SEC24D: variants seen among roughly 807,000 people sequenced by gnomAD.
SEC24D encodes protein transport protein Sec24D.
A neutral mutation model predicts 116.9 loss-of-function variants in SEC24D; 69 were observed. The ratio of observed to expected loss-of-function variants is 0.59; its 90% CI spans 0.49 to 0.72. The LOEUF (loss-of-function observed/expected upper bound fraction) is 0.72. Ranked by LOEUF, SEC24D falls within the 30% of genes least tolerant of loss-of-function variation. The probability of loss-of-function intolerance (pLI) is 0.00; values close to 1 mark genes in which losing one functional copy is unlikely to be tolerated. For missense variants in SEC24D, 1,131 were observed against 1,264.1 expected (o/e 0.89, Z 1.60); for synonymous variants, 405 against 442.8 (o/e 0.91, Z 1.07).
intron 8 of SEC24D, among the ~76,000 whole-genome samples, chr4:118,792,896 AAAAAC>A (rs1359980891): frequency 1.1e-4 from 16 of 152,324 alleles, no homozygotes; most frequent in South Asian, 2.1e-4. Context: ...ATAAATACTA[AAAAAC>A]AAAACAAAAC....
chr4:118,730,918 A>C (rs1725650448), intron 21 of SEC24D: 1 of 250,258 alleles, frequency 4.0e-6, no homozygotes, highest in Non-Finnish European at 7.9e-6. Flanking sequence ...TTCAGTTCCC[A>C]TCTCTGCCAC....
intron 8 of SEC24D, among the ~76,000 whole-genome samples, chr4:118,789,489 T>C (rs1037207284): frequency 1.1e-4 from 17 of 152,208 alleles, no homozygotes; most frequent in Non-Finnish European, 1.9e-4. Context: ...CCATTCCTTT[T>C]TCCCCCACAA....
At chr4:118,763,799 A>G (rs1463519868) in intron 10 of SEC24D, among the ~76,000 whole-genome samples, 1 of 152,224 alleles carries the variant, frequency 6.6e-6, no homozygotes, top group Non-Finnish European at 1.5e-5. Context: ...TGTCATAAAG[A>G]TGACGAGGAT....
intron 6 of SEC24D, among the ~76,000 whole-genome samples, chr4:118,810,520 C>G (rs1163049626): frequency 6.6e-6 from 1 of 152,196 alleles, no homozygotes; most frequent in Non-Finnish European, 1.5e-5. Context: ...CTAGGAATAT[C>G]TGCATTCTCA....
intron 9 of SEC24D, among the ~76,000 whole-genome samples, chr4:118,766,986 A>G (rs1268911172): frequency 1.3e-5 from 2 of 151,982 alleles, no homozygotes; most frequent in Non-Finnish European, 2.9e-5. Context: ...TCTGGTCTCA[A>G]TGGGATATCC....
At chr4:118,751,196 G>GTTTTTTTTTTTTTTTTTTTTTTTTA (rs1726813035) in intron 13 of SEC24D, among the ~76,000 whole-genome samples, 1 of 20,734 alleles carries the variant, frequency 4.8e-5, no homozygotes. Flanking sequence ...TTTTTTTTTT[G>GTTTTTTTTTTTTTTTTTTTTTTTTA]AGATGTAGTT....
rs1428984820 is a variant in SEC24D, at chr4:118,744,069, A to G, written c.1914T>C (p.Pro638=). The G allele has an allele frequency of 5.6e-6, 9 of 1,613,708 alleles. No individual in the cohort carries two copies. The highest frequency in any genetic ancestry group is 6.8e-6 in the Non-Finnish European group (8 of 1,179,706). ...HGCSVTLFLF[P]SQYVDVASLG... ...GCGAGGCCACGTCCACATACTGACTAGGAAAGAGGAAGAGTGTCACAGAGC... is the reference window on the plus strand; with the variant it reads ...GCGAGGCCACGTCCACATACTGACTGGGAAAGAGGAAGAGTGTCACAGAGC... Residue 638 remains proline, a synonymous_variant, in exon 15 of 23, where the codon CCT becomes CCC. Coordinates refer to ENST00000280551, the MANE Select transcript of SEC24D (RefSeq NM_014822.4).
At chr4:118,738,056 A>AT (rs1365910981) in intron 19 of SEC24D, 43 of 485,256 alleles carry the variant, frequency 8.9e-5, no homozygotes, top group Middle Eastern at 5.6e-4. Context: ...ATGCACATCC[A>AT]TTTTTTTTGT....
chr4:118,734,900 G>A (rs1725879232), intron 19 of SEC24D, among the ~76,000 whole-genome samples: 1 of 152,202 alleles, frequency 6.6e-6, no homozygotes, highest in African/African-American at 2.4e-5. Flanking sequence ...ATAAAAAGAT[G>A]CAGGAACCAG....
intron 22 of SEC24D, 73 bp downstream of exon 22, chr4:118,728,487 TA>T (rs1297201461): frequency 2.5e-6 from 2 of 812,430 alleles, no homozygotes; most frequent in African/African-American, 3.5e-5. Flanking sequence ...CATAAAAATA[TA>T]GGGTGTGCAT....
At chr4:118,755,479 G>T (rs1342071167) in intron 11 of SEC24D, among the ~76,000 whole-genome samples, 1 of 144,030 alleles carries the variant, frequency 6.9e-6, no homozygotes, top group Non-Finnish European at 1.5e-5. Context: ...AAAAAAAAAA[G>T]GCAAAATAAC....
chr4:118,800,950 G>A (rs904224296), intron 7 of SEC24D, among the ~76,000 whole-genome samples: 6 of 151,970 alleles, frequency 3.9e-5, no homozygotes, highest in East Asian at 1.9e-4. Flanking sequence ...ATGGGCAACC[G>A]TGACATTTTT....
rs28391417 is a variant in SEC24D at position 118,745,326 on chromosome 4, A to C, written c.1708-266T>G. On this transcript the variant is annotated intron_variant, in intron 13 of 22. Transcript: ENST00000280551. ...ATTTAAAGATAGGTCTGTGTATCAT[A>C]ACACTTTAAAAAAACTATTAAAATG... Among the ~76,000 whole-genome samples the C allele has an allele frequency of 0.01, 1,534 of 152,306 alleles. 24 individuals are homozygous for C. Among genetic ancestry groups the C allele is most frequent in the African/African-American group, 0.035 (1,447 of 41,578 alleles).
Position 118,784,791 on chromosome 4 carries a change from T to C in SEC24D, c.1041+12892A>G, listed in dbSNP as rs112439785. 6.0e-3 allele frequency among the ~76,000 whole-genome samples: 773 copies of C among 129,832 alleles called. 7 individuals carry two copies. Among genetic ancestry groups the C allele is most frequent in the African/African-American group, 0.022 (741 of 34,294 alleles). The allele number at this position is 129,832 out of a possible 152,430, so 85.2% of individuals were successfully genotyped here. ...CAAACACACACTCACAAATACTACA[T>C]ACCTTCCTCTGTGAGATGATATTGA... is the stretch of plus-strand genomic sequence containing the variant. On this transcript the variant is annotated intron_variant, in intron 8 of 22. Transcript: ENST00000280551.
At chr4:118,737,537 C>A (rs1041857344) in intron 19 of SEC24D, among the ~76,000 whole-genome samples, 2 of 152,108 alleles carry the variant, frequency 1.3e-5, no homozygotes, top group Admixed American at 1.3e-4. Context: ...AATGAATGAA[C>A]TAGAAAGTTT....
chr4:118,725,401 C>T (rs1402876167), intron 22 of SEC24D, among the ~76,000 whole-genome samples: 2 of 152,222 alleles, frequency 1.3e-5, no homozygotes, highest in Admixed American at 6.5e-5. Flanking sequence ...CCCTCTCCCA[C>T]ATGCCACTAC....
At chr4:118,732,419 C>T (rs777647176) in intron 20 of SEC24D, among the ~76,000 whole-genome samples, 3 of 152,134 alleles carry the variant, frequency 2.0e-5, no homozygotes, top group Non-Finnish European at 4.4e-5. Context: ...GGATTACAGA[C>T]GTGAGCCACG....
At position 118,817,370 on chromosome 4, in the gene SEC24D, A is replaced by C. The variant is rs766521330; in HGVS notation, c.291T>G (p.His97Gln). 6.2e-7 allele frequency: 1 copy of C among 1,613,010 alleles called. No individual in the cohort carries two copies. The highest frequency in any genetic ancestry group is 1.3e-5 in the African/African-American group (1 of 74,838). Reference protein sequence around the residue: ...PPPVNNVASSHAPYQPSAQSS... With the variant: ...PPPVNNVASSQAPYQPSAQSS... ...ATTGTGCAGAGGGTTGGTATGGTGC[A>C]TGTGAGGATGCCACATTGTTGACAG... Residue 97 changes from histidine (H) to glutamine (Q), a missense_variant, in exon 4 of 23, where the codon CAT (histidine) becomes CAG (glutamine). Coordinates refer to ENST00000280551, the MANE Select transcript of SEC24D (RefSeq NM_014822.4).
intron 3 of SEC24D, among the ~76,000 whole-genome samples, chr4:118,818,425 G>A (rs775281011): frequency 3.3e-5 from 5 of 152,124 alleles, no homozygotes; most frequent in African/African-American, 4.8e-5. Flanking sequence ...TAGGACCAGC[G>A]TTTTTCCAGG....
Sources: allele counts gnomAD v4.1 joint callset (sites outside exome capture counted in the v4.1 genomes callset), GRCh38; gene constraint gnomAD v4.1.1; transcripts MANE v1.5; gene names NCBI Gene and HGNC (gene_info 2026-07-23, HGNC 2026-07-21).